Variants in SPPL2B observed in about 807,000 individuals in gnomAD.
SPPL2B encodes signal peptide peptidase-like 2B.
SPPL2B carries 39 observed loss-of-function variants against 59.7 expected under a neutral mutation model. The ratio of observed to expected loss-of-function variants is 0.65; its 90% CI spans 0.51 to 0.85. The LOEUF is 0.85. Ranked by LOEUF, SPPL2B falls within the 40% of genes least tolerant of loss-of-function variation. The probability of loss-of-function intolerance (pLI) is 0.00; values close to 1 mark genes in which losing one functional copy is unlikely to be tolerated. For synonymous variants in SPPL2B, 419 were observed against 370.8 expected (o/e 1.13, Z -1.49); for missense variants, 865 against 849.0 (o/e 1.02, Z -0.23).
At chr19:2,352,441 TG>T (rs1969980618) in intron 14 of SPPL2B, among the ~76,000 whole-genome samples, 2 of 152,164 alleles carry the variant, frequency 1.3e-5, no homozygotes, top group Non-Finnish European at 1.5e-5. Flanking sequence ...GTCATGTTTT[TG>T]TGGAGGTTAA....
chr19:2,335,115 C>T (rs1189056951), intron 2 of SPPL2B, among the ~76,000 whole-genome samples: 1 of 152,154 alleles, frequency 6.6e-6, no homozygotes, highest in African/African-American at 2.4e-5. Flanking sequence ...CTAACACCTG[C>T]TGCTGGATGA....
chr19:2,340,540 C>G (rs1261160019), intron 7 of SPPL2B: 3 of 583,144 alleles, frequency 5.1e-6, no homozygotes, highest in African/African-American at 1.9e-5. Flanking sequence ...GGGTCTCCAA[C>G]AAAGTCAGAC....
intron 1 of SPPL2B, 144 bp from the exon 2 acceptor site, chr19:2,334,458 G>T: frequency 8.9e-7 from 1 of 1,119,024 alleles, no homozygotes; most frequent in African/African-American, 1.6e-5. Context: ...CTGTCCTGTC[G>T]AGAGGGGGAA....
At position 2,338,553 on chromosome 19, in the gene SPPL2B, T is replaced by C. The variant is rs574847139; in HGVS notation, c.370-199T>C. On this transcript the variant is annotated intron_variant, in intron 3 of 14. Coordinates refer to ENST00000613503, the MANE Select transcript of SPPL2B (RefSeq NM_152988.3). ...GCCCTGTTGTCAGGTGAAGAAGGCT[T>C]GATGCCCTTCGGCCTCCCTGTTCTT... The C allele has an allele frequency of 1.6e-5, 9 of 547,746 alleles. No individual in the cohort carries two copies. The African/African-American group carries it at 1.7e-4, about 11-fold the overall frequency. The allele number at this position is 547,746 out of a possible 1,614,324, so 33.9% of individuals were successfully genotyped here.
chr19:2,335,524 T>C (rs1371408832), intron 2 of SPPL2B, among the ~76,000 whole-genome samples: 1 of 149,458 alleles, frequency 6.7e-6, no homozygotes, highest in African/African-American at 2.5e-5. Context: ...CCGCCTCCTT[T>C]CTCACTTCAT....
chr19:2,343,557 T>C (rs1460213543), intron 9 of SPPL2B, among the ~76,000 whole-genome samples: 1 of 152,100 alleles, frequency 6.6e-6, no homozygotes, highest in Non-Finnish European at 1.5e-5. Flanking sequence ...AGTGGTTGAA[T>C]AGGGCTGGAG....
intron 13 of SPPL2B, among the ~76,000 whole-genome samples, chr19:2,350,342 G>T (rs58775091): frequency 1.6e-5 from 2 of 128,150 alleles, no homozygotes; most frequent in African/African-American, 3.0e-5. Flanking sequence ...ACACACTCAC[G>T]TGCTCTCATT....
At chr19:2,344,786 T>A in intron 12 of SPPL2B, 134 bp downstream of exon 12, 3 of 677,076 alleles carry the variant, frequency 4.4e-6, no homozygotes, top group Non-Finnish European at 5.2e-6. Flanking sequence ...GTCGGGCAGG[T>A]TGGGGCCGTT....
Position 2,340,416 on chromosome 19 carries a change from C to G in SPPL2B, c.839+244C>G, listed in dbSNP as rs1375978356. 4 of 635,546 alleles carry G rather than the reference C, an allele frequency of 6.3e-6. No individual in the cohort carries two copies. The Admixed American group carries it at 1.0e-4, about 17-fold the overall frequency. The allele number at this position is 635,546 out of a possible 1,614,324, so 39.4% of individuals were successfully genotyped here. ...GAGGGTGCCCTTGTCCCCAGGAACCCTGCCCCAGGTCGCAGGCCGAACCCT... is the reference window on the plus strand; with the variant it reads ...GAGGGTGCCCTTGTCCCCAGGAACCGTGCCCCAGGTCGCAGGCCGAACCCT... On this transcript the variant is annotated intron_variant, in intron 7 of 14. Transcript: ENST00000613503.
In SPPL2B at chr19:2,353,185, A is replaced by G; in HGVS notation, c.1755A>G (p.Val585=). Residue 585 remains valine, a synonymous_variant, in exon 15 of 15, where the codon GTA becomes GTG. Transcript: ENST00000613503. ...EGRDQAQPSP[V]TQPGASA ...GGGACCAGGCCCAGCCGTCCCCGGT[A>G]ACCCAGCCTGGCGCCTCGGCCTAGG... 6.2e-7 allele frequency: 1 copy of G among 1,606,014 alleles called. No homozygotes were observed. Among genetic ancestry groups the G allele is most frequent in the Non-Finnish European group, 8.5e-7 (1 of 1,179,064 alleles).
intron 2 of SPPL2B, among the ~76,000 whole-genome samples, chr19:2,335,003 A>G (rs970229437): frequency 5.9e-5 from 9 of 152,244 alleles, no homozygotes; most frequent in African/African-American, 2.2e-4. Flanking sequence ...GACCCTATCC[A>G]GTGGGCCCAG....
At chr19:2,348,156 T>TTCTC (rs59723181) in intron 13 of SPPL2B, among the ~76,000 whole-genome samples, 430 of 23,630 alleles carry the variant, frequency 0.018, 8 homozygotes, top group African/African-American at 0.044. Context: ...CTTGATTCCG[T>TTCTC]TCTCTCTCCA....
chr19:2,338,661 G>A, intron 3 of SPPL2B, 91 bp from the exon 4 acceptor site: 3 of 844,838 alleles, frequency 3.6e-6, no homozygotes, highest in Non-Finnish European at 5.7e-6. Context: ...CCTCGAGTGA[G>A]GGTCCCAGGA....
At chr19:2,334,132 G>A (rs907202177) in intron 1 of SPPL2B, among the ~76,000 whole-genome samples, 4 of 152,196 alleles carry the variant, frequency 2.6e-5, no homozygotes, top group African/African-American at 9.6e-5. Context: ...TGGGTCAAAG[G>A]CCACCCAGAC....
At chr19:2,337,701 G>C (rs910382767) in intron 3 of SPPL2B, 76 bp downstream of exon 3, 47 of 1,392,824 alleles carry the variant, frequency 3.4e-5, no homozygotes, top group Middle Eastern at 2.6e-4. Flanking sequence ...GATGGCAGCA[G>C]CTGGGGCTGG....
Position 2,343,270 on chromosome 19 carries a change from C to G in SPPL2B, c.1016C>G (p.Thr339Ser), listed in dbSNP as rs1329574193. 26 of 1,554,478 alleles carry G rather than the reference C, an allele frequency of 1.7e-5. No individual in the cohort carries two copies. The highest frequency in any genetic ancestry group is 2.3e-5 in the Non-Finnish European group (26 of 1,148,664). The part of the protein sequence containing the change: ...GIAFCLYMLK[T>S]IRLPTFKACT... Reference sequence around the variant, plus strand: ...GCCTTCTGCCTCTACATGCTGAAGACCATCCGTCTGCCCACCTTCAAGGTG... The same window carrying G: ...GCCTTCTGCCTCTACATGCTGAAGAGCATCCGTCTGCCCACCTTCAAGGTG... The change falls in exon 9 of 15, where the codon ACC (threonine) becomes AGC (serine). Residue 339 changes from threonine to serine, a missense_variant. Coordinates refer to ENST00000613503, the MANE Select transcript of SPPL2B (RefSeq NM_152988.3).
At position 2,350,013 on chromosome 19, in the gene SPPL2B, C is replaced by T. The variant is rs1198584262; in HGVS notation, c.1355-1421C>T. On this transcript the variant is annotated intron_variant, in intron 13 of 14. Coordinates refer to ENST00000613503, the MANE Select transcript of SPPL2B (RefSeq NM_152988.3). ...TCATTTGCTTGATTCCGTTCTCTCC[C>T]TCGACACACACTCGCTCTCATTCGC... Among the ~76,000 whole-genome samples the T allele has an allele frequency of 2.7e-5, 4 of 147,796 alleles. No homozygotes were observed. In the East Asian group the frequency reaches 6.1e-4, roughly 23 times the overall value.
intron 13 of SPPL2B, among the ~76,000 whole-genome samples, chr19:2,345,799 C>T (rs1969335619): frequency 6.7e-6 from 1 of 150,200 alleles, no homozygotes; most frequent in African/African-American, 2.5e-5. Context: ...GCCTCCATCC[C>T]CGTCTTTCTC....
intron 5 of SPPL2B, 21 bp downstream of exon 5, chr19:2,339,229 G>A (rs938479142): frequency 1.1e-5 from 18 of 1,596,206 alleles, no homozygotes; most frequent in Non-Finnish European, 1.5e-5. Flanking sequence ...CATCGTGCGT[G>A]TGCTGTGACG....
Sources: gnomAD v4.1 joint callset for allele counts (sites outside exome capture counted in the v4.1 genomes callset) on GRCh38, gnomAD v4.1.1 for gene constraint, MANE v1.5 for transcripts, NCBI Gene and HGNC (gene_info 2026-07-23, HGNC 2026-07-21) for gene names.